LIPC: variants seen among roughly 807,000 people sequenced by gnomAD.
The protein encoded by LIPC is hepatic triacylglycerol lipase.
LIPC carries 44 observed loss-of-function variants against 50.7 expected under a neutral mutation model. The ratio of observed to expected loss-of-function variants is 0.87; its 90% CI spans 0.68 to 1.11. LIPC has a LOEUF of 1.11. Among genes scored for constraint, LIPC ranks in the 50% most tolerant of loss-of-function variants. LIPC has a pLI of 0.00. For missense variants in LIPC, 697 were observed against 648.2 expected (o/e 1.08, Z -0.82); for synonymous variants, 271 against 256.4 (o/e 1.06, Z -0.54).
intron 4 of LIPC, among the ~76,000 whole-genome samples, chr15:58,545,195 C>A (rs17190650): frequency 6.6e-6 from 1 of 151,854 alleles, no homozygotes. Flanking sequence ...GTACTCAAAA[C>A]TGATTTGCTC....
chr15:58,491,978 T>C (rs1891601425), intron 1 of LIPC, among the ~76,000 whole-genome samples: 2 of 152,188 alleles, frequency 1.3e-5, no homozygotes, highest in Admixed American at 6.5e-5. Flanking sequence ...GCTCTGTAGC[T>C]GCATTTCTGA....
At chr15:58,503,703 G>A (rs747718585) in intron 1 of LIPC, among the ~76,000 whole-genome samples, 9 of 152,218 alleles carry the variant, frequency 5.9e-5, no homozygotes, top group Non-Finnish European at 1.0e-4. Flanking sequence ...GGGGATGTGA[G>A]TGCTGTCTCT....
intron 8 of LIPC, chr15:58,565,523 C>A (rs1194191706): frequency 2.3e-6 from 3 of 1,326,338 alleles, no homozygotes; most frequent in Non-Finnish European, 2.9e-6. Context: ...ATTGGTCTCA[C>A]GTGATCTTTG....
intron 1 of LIPC, among the ~76,000 whole-genome samples, chr15:58,457,494 T>TG (rs1894175206): frequency 6.6e-6 from 1 of 152,268 alleles, no homozygotes; most frequent in Non-Finnish European, 1.5e-5. Flanking sequence ...ATATGCCACT[T>TG]GGCTCCTTCA....
chr15:58,451,795 G>A (rs550510452), intron 1 of LIPC, among the ~76,000 whole-genome samples: 9 of 152,288 alleles, frequency 5.9e-5, no homozygotes, highest in Admixed American at 2.6e-4. Context: ...CCACAGAGGC[G>A]AGCAGGAGGA....
chr15:58,565,536 G>A (rs1047593426), intron 8 of LIPC: 2 of 1,282,356 alleles, frequency 1.6e-6, no homozygotes, highest in African/African-American at 3.0e-5. Flanking sequence ...GATCTTTGCT[G>A]TGATCCTGAA....
chr15:58,455,291 A>G (rs1312771285), intron 1 of LIPC, among the ~76,000 whole-genome samples: 2 of 152,218 alleles, frequency 1.3e-5, no homozygotes, highest in Admixed American at 1.3e-4. Flanking sequence ...CAACTCTGCT[A>G]TTGCAGCACA....
Position 58,568,855 on chromosome 15 carries a change from T to C in LIPC, c.*28T>C, listed in dbSNP as rs750323341. On this transcript the variant is annotated 3_prime_UTR_variant, in exon 9 of 9. Transcript: ENST00000299022. The stretch of plus-strand genomic sequence containing the variant: ...TTTAATGAAGACCCAGTGTAAAGAA[T>C]AAATGAATCTTACTCCTTATCTGGA... The C allele has an allele frequency of 6.0e-6, 8 of 1,326,602 alleles. No homozygotes were observed. The African/African-American group carries it at 1.2e-4, about 19-fold the overall frequency. The allele number at this position is 1,326,602 out of a possible 1,614,324, so 82.2% of individuals were successfully genotyped here.
intron 1 of LIPC, among the ~76,000 whole-genome samples, chr15:58,530,135 G>T (rs554121955): frequency 6.6e-6 from 1 of 152,228 alleles, no homozygotes; most frequent in Non-Finnish European, 1.5e-5. Flanking sequence ...TGAAATGCAG[G>T]CTGGGTGCAG....
At position 58,517,469 on chromosome 15, in the gene LIPC, TC is replaced by T. The variant is rs527780691; in HGVS notation, c.89-20863del. ...TTCAGTGCTAAAAAGGCCCTGCTTT[TC>T]TGGAGCGAACCCCTTCAGAGGTCTC... On this transcript the variant is annotated intron_variant, in intron 1 of 8. Transcript: ENST00000299022. Among the ~76,000 whole-genome samples the T allele has an allele frequency of 3.8e-3, 586 of 152,398 alleles. 1 individual carries two copies. The highest frequency in any genetic ancestry group is 0.014 in the African/African-American group (565 of 41,594).
chr15:58,473,921 A>C (rs1890894592), intron 1 of LIPC: 1 of 152,350 alleles, frequency 6.6e-6, no homozygotes, highest in Admixed American at 6.5e-5. Flanking sequence ...GCTGTTTTGC[A>C]TTCCTTATCT....
intron 5 of LIPC, 103 bp from the exon 6 acceptor site, chr15:58,548,227 G>C: frequency 1.3e-6 from 2 of 1,501,620 alleles, no homozygotes; most frequent in Non-Finnish European, 1.9e-6. Context: ...CCTGTTCTGT[G>C]TGCTACTGCT....
At chr15:58,515,983 A>G (rs943490166) in intron 1 of LIPC, among the ~76,000 whole-genome samples, 15 of 152,178 alleles carry the variant, frequency 9.9e-5, no homozygotes, top group African/African-American at 3.6e-4. Context: ...ACGGGGCTGT[A>G]ATCATCGTCT....
chr15:58,554,231 G>A (rs370199211), intron 6 of LIPC, among the ~76,000 whole-genome samples: 1 of 152,142 alleles, frequency 6.6e-6, no homozygotes, highest in East Asian at 1.9e-4. Flanking sequence ...TCCTAGTGAG[G>A]AGACTCTCCG....
intron 7 of LIPC, among the ~76,000 whole-genome samples, chr15:58,562,357 A>G (rs1894194703): frequency 6.6e-6 from 1 of 152,172 alleles, no homozygotes; most frequent in Admixed American, 6.5e-5. Flanking sequence ...AGGTGTTCCC[A>G]AGAGGTCCCA....
At chr15:58,496,578 C>T (rs1400791612) in intron 1 of LIPC, among the ~76,000 whole-genome samples, 1 of 152,072 alleles carries the variant, frequency 6.6e-6, no homozygotes, top group Non-Finnish European at 1.5e-5. Flanking sequence ...ATCAAGACCT[C>T]TGTTCATAAA....
chr15:58,549,606 C>T (rs1893676434), intron 6 of LIPC, among the ~76,000 whole-genome samples: 1 of 152,228 alleles, frequency 6.6e-6, no homozygotes, highest in African/African-American at 2.4e-5. Context: ...GGCCACCTGA[C>T]TCTCAGTCGT....
intron 1 of LIPC, among the ~76,000 whole-genome samples, chr15:58,525,724 TC>T (rs1184043402): frequency 1.3e-5 from 2 of 152,206 alleles, no homozygotes; most frequent in Non-Finnish European, 2.9e-5. Flanking sequence ...TTCTGGTCCA[TC>T]CAATCTGTTT....
At chr15:58,466,987 GACA>G (rs1311553308) in intron 1 of LIPC, among the ~76,000 whole-genome samples, 4 of 152,094 alleles carry the variant, frequency 2.6e-5, no homozygotes, top group Admixed American at 1.3e-4. Context: ...GAATCCTCAT[GACA>G]ACCTCATTTT....
Sources: gnomAD v4.1 joint callset for allele counts (sites outside exome capture counted in the v4.1 genomes callset) on GRCh38, gnomAD v4.1.1 for gene constraint, MANE v1.5 for transcripts, NCBI Gene and HGNC (gene_info 2026-07-23, HGNC 2026-07-21) for gene names.